Variants in RIC8B observed in about 807,000 individuals in gnomAD.
RIC8B encodes the protein RIC8 guanine nucleotide exchange factor B.
RIC8B carries 16 observed loss-of-function variants against 57.5 expected under a neutral mutation model. The ratio of observed to expected loss-of-function variants is 0.28; its 90% CI spans 0.19 to 0.42. RIC8B has a LOEUF of 0.42. RIC8B is among the 10% of genes least tolerant of loss of function. The pLI, the probability that RIC8B is intolerant of heterozygous loss-of-function variation, is 1.00. For synonymous variants in RIC8B, 216 were observed against 250.8 expected (o/e 0.86, Z 1.31); for missense variants, 481 against 677.0 (o/e 0.71, Z 3.21).
intron 3 of RIC8B, among the ~76,000 whole-genome samples, chr12:106,819,069 T>C (rs1446164565): frequency 6.6e-6 from 1 of 152,174 alleles, no homozygotes; most frequent in East Asian, 1.9e-4. Flanking sequence ...CCAGCTGGAG[T>C]ATATCTTTTT....
At chr12:106,829,286 C>T (rs914882155) in intron 4 of RIC8B, among the ~76,000 whole-genome samples, 1 of 152,176 alleles carries the variant, frequency 6.6e-6, no homozygotes, top group African/African-American at 2.4e-5. Context: ...AATCAACAAG[C>T]TTATGCATAA....
At chr12:106,849,800 T>A (rs1214376562) in intron 6 of RIC8B, among the ~76,000 whole-genome samples, 2 of 152,194 alleles carry the variant, frequency 1.3e-5, no homozygotes, top group Non-Finnish European at 2.9e-5. Context: ...CTTAAAAAAA[T>A]GAAAGTGAGT....
At chr12:106,842,448 A>C in intron 4 of RIC8B, 141 bp from the exon 5 acceptor site, 1 of 613,236 alleles carries the variant, frequency 1.6e-6, no homozygotes, top group Non-Finnish European at 2.8e-6. Context: ...AGTAAGTGTC[A>C]AGTGTCCATA....
At chr12:106,816,592 G>C (rs1270395666) in intron 3 of RIC8B, among the ~76,000 whole-genome samples, 1 of 152,114 alleles carries the variant, frequency 6.6e-6, no homozygotes, top group East Asian at 1.9e-4. Context: ...GGGTTTTTAA[G>C]TTCTCCATTT....
intron 4 of RIC8B, among the ~76,000 whole-genome samples, chr12:106,835,140 C>G (rs375562429): frequency 6.6e-6 from 1 of 152,036 alleles, no homozygotes; most frequent in East Asian, 1.9e-4. Flanking sequence ...TTCTTCAGCC[C>G]ACTGTAATCA....
intron 9 of RIC8B, chr12:106,873,015 TCTC>T (rs1290652457): frequency 6.1e-6 from 6 of 985,140 alleles, no homozygotes; most frequent in Admixed American, 6.2e-5. Context: ...GCTAGGTCCT[TCTC>T]CTTTTAATCT....
rs556861603 is a variant in RIC8B, at chr12:106,886,737, A to G, written c.*722A>G. 16 of 152,758 alleles carry G rather than the reference A, an allele frequency of 1.0e-4. No individual in the cohort carries two copies. The highest frequency in any genetic ancestry group is 3.6e-4 in the African/African-American group (15 of 41,578). 9.5% of individuals were successfully genotyped at this position (152,758 alleles called of 1,614,324 possible). A position where few individuals can be genotyped will look rare whatever the true frequency, so the allele number is the denominator to read the frequency against. ...ACTAGTACCATAGAACTGAACCACC[A>G]TCTGTATCAGCGCATGGGGAGTGTG... is the stretch of plus-strand genomic sequence containing the variant. On this transcript the variant is annotated 3_prime_UTR_variant, in exon 10 of 10. Transcript: ENST00000392837.
At chr12:106,835,587 C>G (rs915391861) in intron 4 of RIC8B, among the ~76,000 whole-genome samples, 1 of 152,210 alleles carries the variant, frequency 6.6e-6, no homozygotes, top group Non-Finnish European at 1.5e-5. Context: ...CTAAGGCATA[C>G]TAGAATTCAA....
At chr12:106,784,138 T>C in intron 2 of RIC8B, 94 bp downstream of exon 2, 1 of 1,169,928 alleles carries the variant, frequency 8.5e-7, no homozygotes, top group Non-Finnish European at 1.2e-6. Context: ...CTGATGGTTA[T>C]TGATTGGTTT....
intron 4 of RIC8B, among the ~76,000 whole-genome samples, chr12:106,842,309 C>T (rs375372782): frequency 1.2e-4 from 19 of 152,154 alleles, no homozygotes; most frequent in Non-Finnish European, 2.6e-4. Flanking sequence ...CATTAAAGCT[C>T]ACTAATTCCT....
intron 4 of RIC8B, among the ~76,000 whole-genome samples, chr12:106,836,443 A>G (rs1030462216): frequency 3.3e-5 from 5 of 152,142 alleles, no homozygotes; most frequent in African/African-American, 1.2e-4. Context: ...CCCAAACTTA[A>G]CATCCAAAAT....
rs1036764711 is a variant in RIC8B at position 106,808,650 on chromosome 12, C to G, written c.133-6046C>G. Among the ~76,000 whole-genome samples, 7 of 152,156 alleles carry G rather than the reference C, an allele frequency of 4.6e-5. No homozygotes were observed. The East Asian group carries it at 1.4e-3, about 29-fold the overall frequency. ...TTTATGCCTGTCTCACCTTATGTAC[C>G]TATCTCAACATGATCTAGCAACAAG... On this transcript the variant is annotated intron_variant, in intron 2 of 9. Transcript: ENST00000392837.
intron 9 of RIC8B, among the ~76,000 whole-genome samples, 197 bp from the exon 10 acceptor site, chr12:106,885,707 T>G (rs904241846): frequency 1.3e-5 from 2 of 152,156 alleles, no homozygotes; most frequent in Non-Finnish European, 2.9e-5. Flanking sequence ...AAGTCTTTTA[T>G]CTCCCTCTTC....
At chr12:106,812,894 A>T (rs1162713668) in intron 2 of RIC8B, among the ~76,000 whole-genome samples, 2 of 151,680 alleles carry the variant, frequency 1.3e-5, no homozygotes, top group Non-Finnish European at 2.9e-5. Flanking sequence ...ATGTTATGAA[A>T]TTTTTTTTTG....
At chr12:106,871,033 C>G (rs1253066050) in intron 9 of RIC8B, 91 bp downstream of exon 9, 3 of 1,306,450 alleles carry the variant, frequency 2.3e-6, no homozygotes, top group East Asian at 2.5e-5. Flanking sequence ...AACAGCAACT[C>G]TGGAAATCCA....
intron 8 of RIC8B, among the ~76,000 whole-genome samples, chr12:106,864,294 T>C (rs1950053030): frequency 6.6e-6 from 1 of 152,140 alleles, no homozygotes; most frequent in African/African-American, 2.4e-5. Context: ...TGCATCTCCA[T>C]AGTAAGGATT....
chr12:106,846,709 C>T (rs1351958411), intron 6 of RIC8B, among the ~76,000 whole-genome samples: 1 of 129,954 alleles, frequency 7.7e-6, no homozygotes, highest in African/African-American at 2.9e-5. Context: ...TTTGCTATCT[C>T]TAAACAGAAC....
chr12:106,804,870 G>A lies in RIC8B; in HGVS notation c.133-9826G>A, dbSNP rs576325303. Among the ~76,000 whole-genome samples the A allele has an allele frequency of 2.4e-4, 36 of 152,248 alleles. 1 individual carries two copies. In the East Asian group the frequency reaches 6.2e-3, roughly 26 times the overall value. On this transcript the variant is annotated intron_variant, in intron 2 of 9. Coordinates refer to ENST00000392837, the MANE Select transcript of RIC8B (RefSeq NM_001330145.2). ...GAGGTGGAAGGGATTACTTCCTGCT[G>A]GGGGATGGTGAAAAAGATAGCGTTT...
At chr12:106,793,472 C>G (rs2044345640) in intron 2 of RIC8B, among the ~76,000 whole-genome samples, 1 of 152,152 alleles carries the variant, frequency 6.6e-6, no homozygotes, top group African/African-American at 2.4e-5. Flanking sequence ...TAGGTTAACC[C>G]AAAGGCCAGC....
Sources: gnomAD v4.1 joint callset for allele counts (sites outside exome capture counted in the v4.1 genomes callset) on GRCh38, gnomAD v4.1.1 for gene constraint, MANE v1.5 for transcripts, NCBI Gene and HGNC (gene_info 2026-07-23, HGNC 2026-07-21) for gene names.